The following MAP3K15 variants were observed in gnomAD, a reference collection of about 807,000 sequenced individuals.
MAP3K15 encodes the protein MAPK/ERK kinase kinase 15.
MAP3K15 carries 124 observed loss-of-function variants against 99.5 expected under a neutral mutation model. That is an observed-to-expected ratio of 1.25 (90% CI 1.08 to 1.45). The LOEUF is 1.45. Ranked by LOEUF, MAP3K15 falls within the 40% of genes most tolerant of loss-of-function variation. The pLI, the probability that MAP3K15 is intolerant of heterozygous loss-of-function variation, is 0.00. For missense variants in MAP3K15, 1,242 were observed against 1,079.7 expected, an observed-to-expected ratio of 1.15 and a Z score of -2.11; for synonymous variants, 494 against 439.6, an observed-to-expected ratio of 1.12 and a Z score of -1.55.
chrX:19,384,943 T>C (rs976498254), intron 18 of MAP3K15, among the ~76,000 whole-genome samples: 3 of 110,438 alleles, frequency 2.7e-5, no homozygotes, highest in African/African-American at 9.9e-5. Context: ...ATACCTGCTA[T>C]ATACCCACAA....
intron 6 of MAP3K15, among the ~76,000 whole-genome samples, chrX:19,432,791 T>C (rs1394106194): frequency 1.9e-5 from 2 of 107,956 alleles, no homozygotes; most frequent in African/African-American, 6.7e-5. Flanking sequence ...TCTCAACTCA[T>C]TGCAACCTCC....
rs778656119 is a variant in MAP3K15 at position 19,363,943 on chromosome X, G to A, written c.3567-1093C>T. Among the ~76,000 whole-genome samples, 11 of 110,691 alleles carry A rather than the reference G, an allele frequency of 9.9e-5. No homozygotes were observed. The South Asian group carries it at 2.7e-3, about 27-fold the overall frequency. On this transcript the variant is annotated intron_variant, in intron 25 of 28. Coordinates refer to ENST00000338883, the MANE Select transcript of MAP3K15 (RefSeq NM_001001671.4). ...GCTGGGATTACAGGTGTGAGCCACC[G>A]CACCCAGCTGGAAGCCCCTGCTTGT...
At chrX:19,420,573 G>A (rs1396670156) in intron 9 of MAP3K15, among the ~76,000 whole-genome samples, 3 of 111,627 alleles carry the variant, frequency 2.7e-5, no homozygotes, top group Non-Finnish European at 5.6e-5. Flanking sequence ...TCCAGGACCA[G>A]ATGAATTCAC....
At chrX:19,436,879 T>A (rs996736728) in intron 6 of MAP3K15, among the ~76,000 whole-genome samples, 5 of 111,530 alleles carry the variant, frequency 4.5e-5, no homozygotes, top group Non-Finnish European at 9.4e-5. Context: ...CGTTTAGCCA[T>A]GATGACCAGG....
At chrX:19,465,442 A>T (rs1049328471) in intron 3 of MAP3K15, among the ~76,000 whole-genome samples, 1 of 110,707 alleles carries the variant, frequency 9.0e-6, no homozygotes, top group African/African-American at 3.3e-5. Flanking sequence ...ATTGGTATTA[A>T]GTCTGTCAAA....
intron 9 of MAP3K15, among the ~76,000 whole-genome samples, chrX:19,424,906 G>A (rs769795236): frequency 1.3e-3 from 141 of 107,231 alleles, no homozygotes; most frequent in African/African-American, 4.6e-3. Flanking sequence ...CTCGGCCTCC[G>A]AGAGTGCCAG....
chrX:19,413,455 T>C lies in MAP3K15; in HGVS notation c.1600A>G (p.Ile534Val), dbSNP rs2063705568. Reference sequence around the variant, plus strand: ...GGCTGGTACACTTTGGTTGGCTCTATGACCAGAACCTGAAACAAGAACAGA... The same window carrying C: ...GGCTGGTACACTTTGGTTGGCTCTACGACCAGAACCTGAAACAAGAACAGA... Reference protein sequence around the residue: ...TNGLRFPVLVIEPTKVYQPSY... With the variant: ...TNGLRFPVLVVEPTKVYQPSY... The change falls in exon 11 of 29, where the codon ATA (isoleucine) becomes GTA (valine). Residue 534 changes from isoleucine (I) to valine (V), a missense_variant. Physicochemically the swap from Ile to Val is conservative, Grantham distance 29. Coordinates refer to ENST00000338883, the MANE Select transcript of MAP3K15 (RefSeq NM_001001671.4). The C allele has an allele frequency of 8.3e-7, 1 of 1,198,502 alleles. No homozygotes were observed. Among genetic ancestry groups the C allele is most frequent in the East Asian group, 3.0e-5 (1 of 33,658 alleles).
In MAP3K15 at chrX:19,391,973, C is replaced by T. The variant is rs771366269; in HGVS notation, c.2431+29G>A. The T allele has an allele frequency of 3.7e-6, 4 of 1,086,920 alleles. No homozygotes were observed. The South Asian group carries it at 7.5e-5, about 20-fold the overall frequency. The allele number at this position is 1,086,920 out of a possible 1,213,427, so 89.6% of individuals were successfully genotyped here. On this transcript the variant is annotated intron_variant, in intron 18 of 28. Transcript: ENST00000338883. ...GCAGAAAGCGTAACTCTGGGATGGG[C>T]ACCCTGTGCCAAGCTTTGGTCCACT...
rs1346172663 is a variant in MAP3K15 at position 19,447,977 on chromosome X, C to T, written c.995+8936G>A. Among the ~76,000 whole-genome samples, 3 of 105,066 alleles carry T rather than the reference C, an allele frequency of 2.9e-5. 1 individual carries two copies. The highest frequency in any genetic ancestry group is 5.9e-5 in the Non-Finnish European group (3 of 50,427). 91.2% of individuals were successfully genotyped at this position (105,066 alleles called of 115,157 possible). A position where few individuals can be genotyped will look rare whatever the true frequency, so the allele number is the denominator to read the frequency against. ...AATGTCCTTATCTCAAGGACAACAG[C>T]GACAGGGATGAACGCATGTGAAGTC... On this transcript the variant is annotated intron_variant, in intron 6 of 28. Transcript: ENST00000338883.
intron 6 of MAP3K15, among the ~76,000 whole-genome samples, chrX:19,455,333 TTTTTTTC>T (rs1326160041): frequency 3.8e-5 from 4 of 104,184 alleles, no homozygotes; most frequent in Admixed American, 1.0e-4. Flanking sequence ...TTTCTATGTC[TTTTTTTC>T]TTTTTTCTTT....
intron 10 of MAP3K15, among the ~76,000 whole-genome samples, chrX:19,414,627 C>G (rs2063717962): frequency 1.8e-5 from 2 of 112,417 alleles, no homozygotes; most frequent in African/African-American, 6.5e-5. Flanking sequence ...AGAGGCAAAC[C>G]AAAGCTTAAC....
intron 11 of MAP3K15, among the ~76,000 whole-genome samples, chrX:19,410,933 C>T (rs899316865): frequency 2.7e-5 from 3 of 111,558 alleles, no homozygotes; most frequent in South Asian, 3.8e-4. Flanking sequence ...GTAATCCCAG[C>T]GCTCTGGGAG....
rs145337683 is a variant in MAP3K15 at position 19,501,426 on chromosome X, C to G, written c.362-12459G>C. 4.0e-3 allele frequency among the ~76,000 whole-genome samples: 454 copies of G among 112,175 alleles called. 3 individuals carry two copies. Among genetic ancestry groups the G allele is most frequent in the African/African-American group, 0.014 (427 of 30,927 alleles). ...CCAGTTTGAGTTCTTCTAGTCTCTT[C>G]TGTCAGATATGCACCACTGAAGAGA... is the stretch of plus-strand genomic sequence containing the variant. On this transcript the variant is annotated intron_variant, in intron 1 of 28. Transcript: ENST00000338883.
intron 6 of MAP3K15, among the ~76,000 whole-genome samples, chrX:19,434,109 A>G (rs909320178): frequency 8.9e-6 from 1 of 112,678 alleles, no homozygotes; most frequent in Non-Finnish European, 1.9e-5. Context: ...AAGGATACAT[A>G]TTAAAATGTT....
chrX:19,465,389 G>A (rs140000310), intron 3 of MAP3K15, among the ~76,000 whole-genome samples: 1,577 of 110,938 alleles, frequency 0.014, 12 homozygotes, highest in Middle Eastern at 0.037. Context: ...CTTACATCCT[G>A]CTGCAAAGCA....
intron 19 of MAP3K15, among the ~76,000 whole-genome samples, chrX:19,378,831 C>T (rs1001865429): frequency 7.2e-5 from 8 of 111,714 alleles, no homozygotes; most frequent in Admixed American, 5.7e-4. Context: ...AACCCCCACC[C>T]GCAATGCTCA....
At chrX:19,506,478 A>G (rs1337122784) in intron 1 of MAP3K15, among the ~76,000 whole-genome samples, 1 of 111,981 alleles carries the variant, frequency 8.9e-6, no homozygotes, top group Non-Finnish European at 1.9e-5. Context: ...CTAGAGCAAA[A>G]CCAAATAACG....
In MAP3K15 at chrX:19,405,707, G is replaced by A. The variant is rs188765555; in HGVS notation, c.1844+1481C>T. 1.3e-4 allele frequency among the ~76,000 whole-genome samples: 15 copies of A among 111,790 alleles called. No homozygotes were observed. The East Asian group carries it at 3.6e-3, about 27-fold the overall frequency. Reference sequence around the variant, plus strand: ...CACAAGTCAGTATCCTTGTTTTTACGAAATACACTCAAGTATTTACAGGTA... The same window carrying A: ...CACAAGTCAGTATCCTTGTTTTTACAAAATACACTCAAGTATTTACAGGTA... On this transcript the variant is annotated intron_variant, in intron 13 of 28. Transcript: ENST00000338883.
intron 12 of MAP3K15, among the ~76,000 whole-genome samples, chrX:19,408,808 G>A (rs962577879): frequency 1.3e-4 from 15 of 111,812 alleles, no homozygotes; most frequent in African/African-American, 4.6e-4. Context: ...AACATTTAAA[G>A]AAAGGCCTTT....
Sources: allele counts gnomAD v4.1 joint callset (sites outside exome capture counted in the v4.1 genomes callset), GRCh38; gene constraint gnomAD v4.1.1; transcripts MANE v1.5; gene names NCBI Gene and HGNC (gene_info 2026-07-23, HGNC 2026-07-21).